Variants in PDHB observed in about 807,000 individuals in gnomAD.
PDHB encodes pyruvate dehydrogenase E1 subunit beta.
PDHB carries 17 observed loss-of-function variants against 42.8 expected under a neutral mutation model. The observed-to-expected ratio is 0.40, with a 90% confidence interval of 0.27 to 0.60. The LOEUF (loss-of-function observed/expected upper bound fraction) is 0.60. Among genes scored for constraint, PDHB ranks in the 20% least tolerant of loss-of-function variants. The pLI, the probability that PDHB is intolerant of heterozygous loss-of-function variation, is 0.46. For missense variants in PDHB, 322 were observed against 451.3 expected (o/e 0.71, Z 2.60); for synonymous variants, 154 against 148.7 (o/e 1.04, Z -0.26).
chr3:58,429,091 G>C (rs1560186972), intron 8 of PDHB, among the ~76,000 whole-genome samples: 2 of 152,126 alleles, frequency 1.3e-5, no homozygotes, highest in Non-Finnish European at 2.9e-5. Context: ...CTGACCTCAG[G>C]TGATCCACCA....
At chr3:58,428,449 C>T in intron 9 of PDHB, 24 bp downstream of exon 9, 1 of 1,612,928 alleles carries the variant, frequency 6.2e-7, no homozygotes. Flanking sequence ...TGACTGTATT[C>T]TAGAACCAGT....
intron 6 of PDHB, 59 bp downstream of exon 6, chr3:58,430,598 C>A (rs1224694018): frequency 7.2e-7 from 1 of 1,379,660 alleles, no homozygotes; most frequent in East Asian, 2.3e-5. Context: ...TTCCTCTGTG[C>A]AAATATATCA....
chr3:58,431,412 A>T lies in PDHB; in HGVS notation c.303+181T>A. 1 of 616,534 alleles carries T rather than the reference A, an allele frequency of 1.6e-6. No individual in the cohort carries two copies. The highest frequency in any genetic ancestry group is 2.9e-6 in the Non-Finnish European group (1 of 345,272). The allele number at this position is 616,534 out of a possible 1,614,324, so 38.2% of individuals were successfully genotyped here. On this transcript the variant is annotated intron_variant, in intron 5 of 9. Transcript: ENST00000302746. The surrounding 1 kb of genome is among the most constrained non-coding windows in gnomAD (Gnocchi z 4.4). ...AAAAACACAAAAATTGGCTAGGCAC[A>T]GTGGCGCGACCTGTAACCCCAGCCA...
In PDHB at chr3:58,433,781, C is replaced by A. The variant is rs777698544; in HGVS notation, c.29G>T (p.Arg10Ile). The A allele has an allele frequency of 6.2e-7, 1 of 1,612,204 alleles. No homozygotes were observed. Among genetic ancestry groups the A allele is most frequent in the South Asian group, 1.1e-5 (1 of 90,882 alleles). ...GCTGCTGCCTACCTCCCGAAGGGGTCTCCGCACCAAGCCAGACACCGCCGC... is the reference window on the plus strand; with the variant it reads ...GCTGCTGCCTACCTCCCGAAGGGGTATCCGCACCAAGCCAGACACCGCCGC... The part of the protein sequence containing the change: MAAVSGLVR[R>I]PLREVSGLLK... Residue 10 changes from arginine (R) to isoleucine (I), a missense_variant, in exon 1 of 10, where the codon AGA becomes ATA. By Grantham distance (97) the Arg-to-Ile change is moderately conservative. Transcript: ENST00000302746.
In PDHB at chr3:58,427,795, T is replaced by C. The variant is rs767911301; in HGVS notation, c.*239A>G. On this transcript the variant is annotated 3_prime_UTR_variant, in exon 10 of 10. Transcript: ENST00000302746. ...TGGTGAGAGAGGATAAAATGTTATATAATTTGTTATTCAAAGAACATGGCA... is the reference window on the plus strand; with the variant it reads ...TGGTGAGAGAGGATAAAATGTTATACAATTTGTTATTCAAAGAACATGGCA... 4 of 577,570 alleles carry C rather than the reference T, an allele frequency of 6.9e-6. No homozygotes were observed. The highest frequency in any genetic ancestry group is 1.5e-5 in the South Asian group (1 of 65,594). 35.8% of individuals were successfully genotyped at this position (577,570 alleles called of 1,614,324 possible).
At position 58,433,772 on chromosome 3, in the gene PDHB, C is replaced by T. The variant is rs202185395; in HGVS notation, c.38G>A (p.Arg13Gln). The change falls in exon 1 of 10, where the codon CGG becomes CAG. Residue 13 changes from arginine to glutamine, a missense_variant. This residue lies in a region of PDHB where 58 missense variants were observed against 42.1 expected (regional missense o/e 1.38). Transcript: ENST00000302746. ...AVSGLVRRPLREVSGLLKRRF... is the reference protein window; with the variant it reads ...AVSGLVRRPLQEVSGLLKRRF... ...AGGCCGCGCGCTGCTGCCTACCTCCCGAAGGGGTCTCCGCACCAAGCCAGA... is the reference window on the plus strand; with the variant it reads ...AGGCCGCGCGCTGCTGCCTACCTCCTGAAGGGGTCTCCGCACCAAGCCAGA... The T allele has an allele frequency of 3.3e-5, 54 of 1,612,408 alleles. 1 individual carries two copies. In the African/African-American group the frequency reaches 4.7e-4, roughly 14 times the overall value.
intron 9 of PDHB, 139 bp downstream of exon 9, chr3:58,428,334 G>A: frequency 8.1e-7 from 1 of 1,228,410 alleles, no homozygotes; most frequent in Non-Finnish European, 1.2e-6. Context: ...TCTGCCTGAA[G>A]AGAAATGCCA....
chr3:58,433,135 G>A (rs1341740399), intron 2 of PDHB: 1 of 196,522 alleles, frequency 5.1e-6, no homozygotes, highest in Non-Finnish European at 1.1e-5. Flanking sequence ...CTTATAAGAA[G>A]TTCTAGAATA....
At chr3:58,432,271 TA>T in intron 2 of PDHB, 5 of 430,456 alleles carry the variant, frequency 1.2e-5, no homozygotes, top group Non-Finnish European at 1.7e-5. Flanking sequence ...AAAATCTAGT[TA>T]AAAAAAGGAA....
rs11925862 is a variant in PDHB at position 58,432,200 on chromosome 3, A to C, written c.97-216T>G. 178,089 of 575,904 alleles carry C rather than the reference A, an allele frequency of 0.31. 31,330 individuals carry two copies. The highest frequency in any genetic ancestry group is 0.43 in the Middle Eastern group (908 of 2,104). 35.7% of individuals were successfully genotyped at this position (575,904 alleles called of 1,614,324 possible). A position where few individuals can be genotyped will look rare whatever the true frequency, so the allele number is the denominator to read the frequency against. On this transcript the variant is annotated intron_variant, in intron 2 of 9. Coordinates refer to ENST00000302746, the MANE Select transcript of PDHB (RefSeq NM_000925.4). Reference sequence around the variant, plus strand: ...TGTACTGAGTGCTCACTAGGTGCCAAGTACTGCCAAATACTTTGCATCCAG... The same window carrying C: ...TGTACTGAGTGCTCACTAGGTGCCACGTACTGCCAAATACTTTGCATCCAG...
chr3:58,432,026 G>C, intron 2 of PDHB, 42 bp from the exon 3 acceptor site: 1 of 1,359,106 alleles, frequency 7.4e-7, no homozygotes. Context: ...GAATTGTTTG[G>C]GATTCAACTA....
At chr3:58,430,377 G>A in intron 6 of PDHB, 139 bp from the exon 7 acceptor site, 1 of 690,066 alleles carries the variant, frequency 1.4e-6, no homozygotes. Context: ...CAGCAGCCTT[G>A]AGAGCAGTTT....
At chr3:58,428,347 C>T in intron 9 of PDHB, 126 bp downstream of exon 9, 1 of 1,285,426 alleles carries the variant, frequency 7.8e-7, no homozygotes, top group South Asian at 1.2e-5. Context: ...AAATGCCAAA[C>T]TTACAAGTTT....
At chr3:58,428,864 T>C in intron 8 of PDHB, 1 of 498,458 alleles carries the variant, frequency 2.0e-6, no homozygotes, top group Non-Finnish European at 3.6e-6. Context: ...CACTTTTTTA[T>C]TTCTTTTGGG....
chr3:58,428,840 C>A (rs1339811224), intron 8 of PDHB: 3 of 551,998 alleles, frequency 5.4e-6, no homozygotes, highest in Non-Finnish European at 9.6e-6. Flanking sequence ...TTATAGGATT[C>A]ATTTATCTTC....
intron 2 of PDHB, chr3:58,432,191 T>G (rs374788539): frequency 5.0e-6 from 3 of 595,304 alleles, no homozygotes; most frequent in East Asian, 2.9e-5. Flanking sequence ...GAGTGCTCAC[T>G]AGGTGCCAAG....
rs768102131 is a variant in PDHB at position 58,429,888 on chromosome 3, A to G, written c.701-89T>C. 1.3e-5 allele frequency: 11 copies of G among 849,470 alleles called. 1 individual carries two copies. Among genetic ancestry groups the G allele is most frequent in the South Asian group, 5.4e-5 (4 of 74,554 alleles). The allele number at this position is 849,470 out of a possible 1,614,324, so 52.6% of individuals were successfully genotyped here. ...CGCCAGCTGTGGCTCTTGTTCATTC[A>G]TAAAGTCTTCAATTCAACTTCATTC... On this transcript the variant is annotated intron_variant, in intron 7 of 9. Coordinates refer to ENST00000302746, the MANE Select transcript of PDHB (RefSeq NM_000925.4).
Position 58,430,486 on chromosome 3 carries a change from T to G in PDHB, c.589+171A>C, listed in dbSNP as rs369597245. On this transcript the variant is annotated intron_variant, in intron 6 of 9. Coordinates refer to ENST00000302746, the MANE Select transcript of PDHB (RefSeq NM_000925.4). ...CCTTTACCTAGCTGGCCCCCTTATA[T>G]TCGGAAATAGGAAAAGCAAGCACAT... Among the ~76,000 whole-genome samples, 43 of 152,306 alleles carry G rather than the reference T, an allele frequency of 2.8e-4. No individual in the cohort carries two copies. The South Asian group carries it at 3.7e-3, about 13-fold the overall frequency.
At chr3:58,433,081 C>T (rs2062938108) in intron 2 of PDHB, 1 of 170,986 alleles carries the variant, frequency 5.8e-6, no homozygotes, top group Non-Finnish European at 1.3e-5. Flanking sequence ...ACCTTGAGGA[C>T]ATTACGCTGA....
Sources: allele counts gnomAD v4.1 joint callset (sites outside exome capture counted in the v4.1 genomes callset), GRCh38; gene constraint gnomAD v4.1.1; regional missense constraint gnomAD v4.1.1; non-coding constraint Gnocchi (gnomAD v3.1); transcripts MANE v1.5; gene names NCBI Gene and HGNC (gene_info 2026-07-23, HGNC 2026-07-21).